The following FAM90A1 variants were observed in gnomAD, a reference collection of about 807,000 sequenced individuals.
FAM90A1 encodes the protein family with sequence similarity 90 member A1.
FAM90A1 carries 10 observed loss-of-function variants against 14.8 expected under a neutral mutation model. The ratio of observed to expected loss-of-function variants is 0.67; its 90% confidence interval spans 0.42 to 1.14. The LOEUF is 1.14. Among genes scored for constraint, FAM90A1 ranks in the 50% most tolerant of loss-of-function variants. The pLI is 0.00. For synonymous variants in FAM90A1, 236 were observed against 248.4 expected (o/e 0.95, Z 0.47); for missense variants, 567 against 602.8 (o/e 0.94, Z 0.62).
Position 8,224,899 on chromosome 12 carries a change from C to CACAA in FAM90A1, c.-56-15_-56-12dup, listed in dbSNP as rs1179444822. ...TGATTGTCGGGTCACCTGAAACACA[C>CACAA]ACAAACACACACAAGTCGATGGTTA... is the stretch of plus-strand genomic sequence containing the variant. On this transcript the variant is annotated splice_polypyrimidine_tract_variant and intron_variant, in intron 3 of 6. Transcript: ENST00000538603. 8 of 1,537,872 alleles carry CACAA rather than the reference C, an allele frequency of 5.2e-6. No homozygotes were observed. In the East Asian group the frequency reaches 1.8e-4, roughly 35 times the overall value.
At chr12:8,222,858 G>A (rs1948865758) in intron 6 of FAM90A1, 74 bp from the exon 7 acceptor site, 1 of 1,492,150 alleles carries the variant, frequency 6.7e-7, no homozygotes, top group Non-Finnish European at 9.0e-7. Flanking sequence ...CACATCCAAA[G>A]ACAAGGTGCA....
Position 8,227,554 on chromosome 12 carries a change from T to A in FAM90A1, c.-495A>T, listed in dbSNP as rs1229938345. The A allele has an allele frequency of 1.8e-6, 2 of 1,094,522 alleles. No individual in the cohort carries two copies. Among genetic ancestry groups the A allele is most frequent in the African/African-American group, 1.6e-5 (1 of 60,788 alleles). The allele number at this position is 1,094,522 out of a possible 1,614,324, so 67.8% of individuals were successfully genotyped here. On this transcript the variant is annotated 5_prime_UTR_variant, in exon 1 of 7. It removes an upstream start codon present in the reference 5' UTR. Transcript: ENST00000538603. ...TGCGTCAGGGGTCAGGGTGCACACA[T>A]CCCTGCAGGTCTCGGGGCTCCTGGG...
rs1355489933 is a variant in FAM90A1 at position 8,221,547 on chromosome 12, A to T, written c.*275T>A. ...GAAGTCTGACTCCTGCGCGTCATGC[A>T]GTTTCTGAGGCAACGAATCACTGGC... On this transcript the variant is annotated 3_prime_UTR_variant, in exon 7 of 7. Coordinates refer to ENST00000538603, the MANE Select transcript of FAM90A1 (RefSeq NM_018088.3). The T allele has an allele frequency of 1.9e-6, 1 of 532,448 alleles. No individual in the cohort carries two copies. The highest frequency in any genetic ancestry group is 1.9e-5 in the African/African-American group (1 of 51,768). 33.0% of individuals were successfully genotyped at this position (532,448 alleles called of 1,614,324 possible).
rs1397189937 is a variant in FAM90A1, at chr12:8,223,378, G to A, written c.432+71C>T. On this transcript the variant is annotated intron_variant, in intron 6 of 6. Transcript: ENST00000538603. Reference sequence around the variant, plus strand: ...GGTTCCCCGATTCCCTCCCGCAGACGGGAAGCTGAAAGGAAATCAACCAGG... The same window carrying A: ...GGTTCCCCGATTCCCTCCCGCAGACAGGAAGCTGAAAGGAAATCAACCAGG... 2.3e-5 allele frequency: 21 copies of A among 918,566 alleles called. 1 individual carries two copies. The highest frequency in any genetic ancestry group is 3.2e-4 in the Middle Eastern group (1 of 3,078). 56.9% of individuals were successfully genotyped at this position (918,566 alleles called of 1,614,324 possible).
At chr12:8,225,670 C>A (rs933839728) in intron 3 of FAM90A1, among the ~76,000 whole-genome samples, 166 bp downstream of exon 3, 3 of 152,074 alleles carry the variant, frequency 2.0e-5, no homozygotes, top group African/African-American at 7.3e-5. Flanking sequence ...CACATGGAGA[C>A]GGAAATGCTT....
intron 5 of FAM90A1, among the ~76,000 whole-genome samples, chr12:8,223,778 TC>T (rs1344153779): frequency 6.6e-6 from 1 of 152,170 alleles, no homozygotes; most frequent in African/African-American, 2.4e-5. Flanking sequence ...CCATCACTTT[TC>T]CCCCTGTCGT....
At chr12:8,225,414 G>T (rs1948921896) in intron 3 of FAM90A1, among the ~76,000 whole-genome samples, 1 of 152,128 alleles carries the variant, frequency 6.6e-6, no homozygotes, top group Non-Finnish European at 1.5e-5. Context: ...ACACTAGCAG[G>T]TGATGGTCTT....
Position 8,222,262 on chromosome 12 carries a change from C to T in FAM90A1, c.955G>A (p.Ala319Thr), listed in dbSNP as rs751330423. ...GCCCCCAGCTCACCTCCCTGGATGG[C>T]GCTTTCGGGGATCTGGAAGGGACCC... ...RLGPFQIPES[A>T]IQGGELGAPE... The change falls in exon 7 of 7, where the codon GCC becomes ACC. Residue 319 changes from alanine (A) to threonine (T), a missense_variant. Coordinates refer to ENST00000538603, the MANE Select transcript of FAM90A1 (RefSeq NM_018088.3). 3.1e-6 allele frequency: 5 copies of T among 1,610,794 alleles called. No individual in the cohort carries two copies. The highest frequency in any genetic ancestry group is 2.2e-5 in the East Asian group (1 of 44,888).
chr12:8,226,616 G>C (rs1391725584), intron 1 of FAM90A1, 138 bp from the exon 2 acceptor site: 1 of 166,824 alleles, frequency 6.0e-6, no homozygotes, highest in Non-Finnish European at 1.5e-5. Context: ...CCACGATCTT[G>C]TCTCCTTAAT....
At position 8,222,025 on chromosome 12, in the gene FAM90A1, T is replaced by G. The variant is rs770552492; in HGVS notation, c.1192A>C (p.Arg398=). Reference sequence around the variant, plus strand: ...GAGCTCCAGCGTCCGTTTTCCAGTCTCCGAAAGAGCACTCTGAGAGGCTGG... The same window carrying G: ...GAGCTCCAGCGTCCGTTTTCCAGTCGCCGAAAGAGCACTCTGAGAGGCTGG... ...GAQPLRVLFR[R]LENGRWSSSL... Residue 398 remains arginine, a synonymous_variant, in exon 7 of 7, where the codon AGA becomes CGA. Coordinates refer to ENST00000538603, the MANE Select transcript of FAM90A1 (RefSeq NM_018088.3). 2.1e-5 allele frequency: 34 copies of G among 1,601,370 alleles called. No individual in the cohort carries two copies. The highest frequency in any genetic ancestry group is 4.4e-4 in the Middle Eastern group (2 of 4,496).
rs776162249 is a variant in FAM90A1 at position 8,226,127 on chromosome 12, A to G, written c.-213-135T>C. On this transcript the variant is annotated intron_variant, in intron 2 of 6. Coordinates refer to ENST00000538603, the MANE Select transcript of FAM90A1 (RefSeq NM_018088.3). ...CATGTCCACTGCTGACAGACATTCT[A>G]AAACCTACGTGTACAGCTGCAAGCT... The G allele has an allele frequency of 1.1e-4, 17 of 152,334 alleles. No homozygotes were observed. The East Asian group carries it at 3.3e-3, about 29-fold the overall frequency. 9.4% of individuals were successfully genotyped at this position (152,334 alleles called of 1,614,324 possible).
intron 6 of FAM90A1, among the ~76,000 whole-genome samples, chr12:8,223,114 AG>A (rs1165500521): frequency 6.6e-6 from 1 of 152,238 alleles, no homozygotes; most frequent in Non-Finnish European, 1.5e-5. Context: ...TGGTGGCTCA[AG>A]GGTACTCAGG....
rs1300954359 is a variant in FAM90A1, at chr12:8,222,486, G to A, written c.731C>T (p.Ala244Val). The A allele has an allele frequency of 8.1e-6, 13 of 1,609,562 alleles. No individual in the cohort carries two copies. Among genetic ancestry groups the A allele is most frequent in the Non-Finnish European group, 1.1e-5 (13 of 1,177,986 alleles). Residue 244 changes from alanine to valine, a missense_variant, in exon 7 of 7, where the codon GCC becomes GTC. By Grantham distance (64) the Ala-to-Val change is moderately conservative (BLOSUM62 0). Transcript: ENST00000538603. ...AGGCREVPQA[A>V]SKTHGLLQAV... ...CTGGAGCAGGCCGTGGGTTTTGGAG[G>A]CAGCCTGGGGAACTTCTCGACAGCC...
Position 8,222,084 on chromosome 12 carries a change from A to G in FAM90A1, c.1133T>C (p.Met378Thr), listed in dbSNP as rs773950236. The G allele has an allele frequency of 3.1e-6, 5 of 1,609,232 alleles. No homozygotes were observed. The highest frequency in any genetic ancestry group is 1.7e-5 in the Admixed American group (1 of 60,026). Residue 378 changes from methionine to threonine, a missense_variant, in exon 7 of 7, where the codon ATG becomes ACG. Transcript: ENST00000538603. The part of the protein sequence containing the change: ...PCLPTAQACT[M>T]SHHPAASHDG... ...ATGGCTGGCCGCTGGGTGATGGGAC[A>G]TGGTGCAGGCCTGGGCAGTAGGCAG...
chr12:8,223,600 C>T (rs1396245543), intron 5 of FAM90A1, 43 bp from the exon 6 acceptor site: 2 of 1,195,302 alleles, frequency 1.7e-6, no homozygotes, highest in Admixed American at 3.4e-5. Context: ...CTGGTTTTCC[C>T]CAGGAGACGG....
rs747950585 is a variant in FAM90A1, at chr12:8,222,554, C to G, written c.663G>C (p.Glu221Asp). 1 of 1,612,036 alleles carries G rather than the reference C, an allele frequency of 6.2e-7. No individual in the cohort carries two copies. Among genetic ancestry groups the G allele is most frequent in the East Asian group, 2.2e-5 (1 of 44,890 alleles). The change falls in exon 7 of 7, where the codon GAG (glutamate) becomes GAC (aspartate). Residue 221 changes from glutamate (E) to aspartate (D), a missense_variant. Coordinates refer to ENST00000538603, the MANE Select transcript of FAM90A1 (RefSeq NM_018088.3). ...PQTAVRHQGP[E>D]PLLVVKPTHS... is the part of the protein sequence containing the mutation. ...GTGTCGGCTTCACCACGAGGAGAGG[C>G]TCGGGGCCCTGGTGCCTGACTGCAG... is the stretch of plus-strand genomic sequence containing the variant.
intron 4 of FAM90A1, among the ~76,000 whole-genome samples, chr12:8,224,459 T>A (rs142841775): frequency 2.4e-5 from 1 of 41,778 alleles, no homozygotes; most frequent in East Asian, 9.5e-4. Flanking sequence ...GAACCCGATG[T>A]CAACAACACA....
intron 3 of FAM90A1, 47 bp downstream of exon 3, chr12:8,225,788 CA>C (rs1948930612): frequency 1.3e-5 from 2 of 151,782 alleles, no homozygotes; most frequent in South Asian, 2.1e-4. Flanking sequence ...TTTTCCCCCC[CA>C]CCCCTCAGGG....
At position 8,222,210 on chromosome 12, in the gene FAM90A1, G is replaced by A. The variant is rs112794929; in HGVS notation, c.1007C>T (p.Ala336Val). ...CGTACGTGGTCCAAGTTCGGTTGCG[G>A]CTGGCGGAGGTTGGAGATTCTCCGG... The part of the protein sequence containing the change: ...GAPENLQPPP[A>V]ATELGPRTSP... Residue 336 changes from alanine to valine, a missense_variant, in exon 7 of 7, where the codon GCC becomes GTC. Transcript: ENST00000538603. 3 of 1,611,920 alleles carry A rather than the reference G, an allele frequency of 1.9e-6. No homozygotes were observed. Among genetic ancestry groups the A allele is most frequent in the Non-Finnish European group, 8.5e-7 (1 of 1,179,888 alleles).
Sources: gnomAD v4.1 joint callset for allele counts (sites outside exome capture counted in the v4.1 genomes callset) on GRCh38, gnomAD v4.1.1 for gene constraint, MANE v1.5 for transcripts, NCBI Gene and HGNC (gene_info 2026-07-23, HGNC 2026-07-21) for gene names.